The following GALNT7 variants were observed in gnomAD, a reference collection of about 807,000 sequenced individuals.
GALNT7 encodes N-acetylgalactosaminyltransferase 7.
A neutral mutation model predicts 82.1 loss-of-function variants in GALNT7; 60 were observed. The observed-to-expected ratio is 0.73, with a 90% CI of 0.59 to 0.91. The LOEUF is 0.91. Ranked by LOEUF, GALNT7 falls within the 40% of genes least tolerant of loss-of-function variation. The pLI is 0.00. For synonymous variants in GALNT7, 243 were observed against 275.1 expected (o/e 0.88, Z 1.15); for missense variants, 660 against 804.2 (o/e 0.82, Z 2.17).
chr4:173,287,685 A>G (rs1736374809), intron 2 of GALNT7, among the ~76,000 whole-genome samples: 1 of 152,232 alleles, frequency 6.6e-6, no homozygotes, highest in East Asian at 1.9e-4. Context: ...GGTCCTGGAG[A>G]AGCTAGTCAG....
chr4:173,285,545 A>G (rs1272758252), intron 2 of GALNT7, among the ~76,000 whole-genome samples: 2 of 152,234 alleles, frequency 1.3e-5, no homozygotes, highest in Non-Finnish European at 2.9e-5. Flanking sequence ...GTATTTTACC[A>G]ATAATTCTTG....
At chr4:173,173,634 C>T (rs1158220704) in intron 1 of GALNT7, among the ~76,000 whole-genome samples, 1 of 152,172 alleles carries the variant, frequency 6.6e-6, no homozygotes, top group East Asian at 1.9e-4. Context: ...GGATCCCTTG[C>T]ATGCAGTTCA....
intron 2 of GALNT7, among the ~76,000 whole-genome samples, chr4:173,269,829 C>T (rs958727239): frequency 6.6e-5 from 10 of 152,244 alleles, no homozygotes; most frequent in East Asian, 3.9e-4. Flanking sequence ...CAACAAACTC[C>T]GATAGACCAC....
chr4:173,302,152 G>T lies in GALNT7; in HGVS notation c.1254G>T (p.Glu418Asp). The T allele has an allele frequency of 7.3e-7, 1 of 1,374,358 alleles. No homozygotes were observed. 85.1% of individuals were successfully genotyped at this position (1,374,358 alleles called of 1,614,324 possible). A position where few individuals can be genotyped will look rare whatever the true frequency, so the allele number is the denominator to read the frequency against. ...AGATTTGGGGTGGTGAAAACTTTGAGATCTCATACAAGGTAACATTTTATT... is the reference window on the plus strand; with the variant it reads ...AGATTTGGGGTGGTGAAAACTTTGATATCTCATACAAGGTAACATTTTATT... Reference protein sequence around the residue: ...GLQIWGGENFEISYKIWQCGG... With the variant: ...GLQIWGGENFDISYKIWQCGG... The change falls in exon 7 of 12, where the codon GAG (glutamate) becomes GAT (aspartate). Residue 418 changes from glutamate to aspartate, a missense_variant. Coordinates refer to ENST00000265000, the MANE Select transcript of GALNT7 (RefSeq NM_017423.3). This position sits in a 1 kb window ranked among gnomAD's most constrained non-coding sequence, Gnocchi z 4.2.
intron 2 of GALNT7, among the ~76,000 whole-genome samples, chr4:173,277,043 T>TTG (rs1400592018): frequency 1.1e-4 from 17 of 151,682 alleles, no homozygotes; most frequent in Admixed American, 3.3e-4. Context: ...GATTGATTGA[T>TTG]AGATTGATTG....
intron 2 of GALNT7, among the ~76,000 whole-genome samples, chr4:173,275,383 G>A (rs1735865516): frequency 6.6e-6 from 1 of 152,212 alleles, no homozygotes; most frequent in African/African-American, 2.4e-5. Context: ...TAAGAAAGGT[G>A]TTGTCATGAT....
In GALNT7 at chr4:173,320,728, A is replaced by C; in HGVS notation, c.1837-852A>C. On this transcript the variant is annotated intron_variant, in intron 11 of 11. Coordinates refer to ENST00000265000, the MANE Select transcript of GALNT7 (RefSeq NM_017423.3). This position sits in a 1 kb window ranked among gnomAD's most constrained non-coding sequence, Gnocchi z 4.1. ...TTTCCAGTGTAGACTGATATCCTTGAGCATTGTACCTCATTATATGGAAGT... is the reference window on the plus strand; with the variant it reads ...TTTCCAGTGTAGACTGATATCCTTGCGCATTGTACCTCATTATATGGAAGT... 6.6e-6 allele frequency among the ~76,000 whole-genome samples: 1 copy of C among 152,108 alleles called. No homozygotes were observed. The highest frequency in any genetic ancestry group is 1.9e-4 in the East Asian group (1 of 5,192).
chr4:173,181,529 G>T (rs578157500), intron 1 of GALNT7, among the ~76,000 whole-genome samples: 3 of 152,156 alleles, frequency 2.0e-5, no homozygotes, highest in South Asian at 4.1e-4. Context: ...TACATTTTCT[G>T]TATGAAATTA....
chr4:173,292,280 G>T lies in GALNT7; in HGVS notation c.754+6G>T. 2 of 1,514,848 alleles carry T rather than the reference G, an allele frequency of 1.3e-6. No homozygotes were observed. Among genetic ancestry groups the T allele is most frequent in the Non-Finnish European group, 1.8e-6 (2 of 1,114,390 alleles). The allele number at this position is 1,514,848 out of a possible 1,614,324, so 93.8% of individuals were successfully genotyped here. On this transcript the variant is annotated splice_donor_region_variant and intron_variant, in intron 3 of 11. Coordinates refer to ENST00000265000, the MANE Select transcript of GALNT7 (RefSeq NM_017423.3). This position sits in a 1 kb window ranked among gnomAD's most constrained non-coding sequence, Gnocchi z 4.8. Reference sequence around the variant, plus strand: ...TGACGATTTCAGTAATAAAGGTAATGGCTGTGAAACTCACATTTTGTCTAT... The same window carrying T: ...TGACGATTTCAGTAATAAAGGTAATTGCTGTGAAACTCACATTTTGTCTAT...
At chr4:173,297,960 T>G (rs898615603) in intron 5 of GALNT7, 155 bp from the exon 6 acceptor site, 1 of 1,479,452 alleles carries the variant, frequency 6.8e-7, no homozygotes, top group Admixed American at 2.7e-5. Flanking sequence ...AAAGAAAACA[T>G]AAAACTGAAC....
intron 2 of GALNT7, among the ~76,000 whole-genome samples, chr4:173,280,250 C>T (rs913713429): frequency 2.0e-5 from 3 of 152,164 alleles, no homozygotes; most frequent in Non-Finnish European, 4.4e-5. Context: ...ATATTGAGTG[C>T]AGGGACTCGC....
intron 1 of GALNT7, among the ~76,000 whole-genome samples, chr4:173,240,902 G>T (rs1390045663): frequency 1.3e-5 from 2 of 152,106 alleles, no homozygotes; most frequent in Non-Finnish European, 2.9e-5. Flanking sequence ...TCTGTGGGGG[G>T]TTAGAAACAG....
rs114314581 is a variant in GALNT7, at chr4:173,193,386, G to A, written c.126+24425G>A. On this transcript the variant is annotated intron_variant, in intron 1 of 11. Transcript: ENST00000265000. ...ACTATTATGGAAAATTCACATGGAAGCCAGGAAGGGAGATTTTTGAGCAGG... is the reference window on the plus strand; with the variant it reads ...ACTATTATGGAAAATTCACATGGAAACCAGGAAGGGAGATTTTTGAGCAGG... 4.9e-3 allele frequency among the ~76,000 whole-genome samples: 743 copies of A among 152,248 alleles called. 5 individuals are homozygous for A. The highest frequency in any genetic ancestry group is 0.017 in the African/African-American group (703 of 41,534).
At chr4:173,305,391 T>C (rs536531014) in intron 8 of GALNT7, among the ~76,000 whole-genome samples, 32 of 152,312 alleles carry the variant, frequency 2.1e-4, no homozygotes, top group Non-Finnish European at 4.3e-4. Context: ...TTGTCTACTT[T>C]GTTAATTGTT....
At chr4:173,195,280 A>G (rs1732740705) in intron 1 of GALNT7, among the ~76,000 whole-genome samples, 2 of 152,174 alleles carry the variant, frequency 1.3e-5, no homozygotes, top group South Asian at 4.1e-4. Flanking sequence ...AAAGTACCAA[A>G]TGACCTATAA....
At chr4:173,178,064 C>T (rs1434906166) in intron 1 of GALNT7, among the ~76,000 whole-genome samples, 18 of 143,982 alleles carry the variant, frequency 1.3e-4, no homozygotes, top group East Asian at 5.9e-4. Flanking sequence ...CGCGCACGCG[C>T]GTGCGCACAG....
At chr4:173,244,747 G>T (rs1734560119) in intron 1 of GALNT7, among the ~76,000 whole-genome samples, 1 of 151,862 alleles carries the variant, frequency 6.6e-6, no homozygotes, top group African/African-American at 2.4e-5. Context: ...GAGGATGATA[G>T]AAAGAAGTGG....
chr4:173,184,274 C>T (rs1045066886), intron 1 of GALNT7, among the ~76,000 whole-genome samples: 6 of 152,022 alleles, frequency 3.9e-5, no homozygotes, highest in African/African-American at 1.4e-4. Context: ...TTGTAGCGAG[C>T]CGAGATCACG....
intron 1 of GALNT7, among the ~76,000 whole-genome samples, chr4:173,221,571 A>G (rs1191172431): frequency 6.6e-6 from 1 of 152,256 alleles, no homozygotes; most frequent in Admixed American, 6.5e-5. Context: ...AACCGATAGA[A>G]TAAAACTACA....
Sources: gnomAD v4.1 joint callset for allele counts (sites outside exome capture counted in the v4.1 genomes callset) on GRCh38, gnomAD v4.1.1 for gene constraint, Gnocchi (gnomAD v3.1) non-coding constraint, MANE v1.5 for transcripts, NCBI Gene and HGNC (gene_info 2026-07-23, HGNC 2026-07-21) for gene names.